Variants in CAP2 observed in about 807,000 individuals in gnomAD.
The protein encoded by CAP2 is cyclase associated actin cytoskeleton regulatory protein 2.
CAP2 carries 24 observed loss-of-function variants against 57.7 expected under a neutral mutation model. That is an observed-to-expected ratio of 0.42 (90% CI 0.30 to 0.58). CAP2 has a LOEUF of 0.58. Ranked by LOEUF, CAP2 falls within the 20% of genes least tolerant of loss-of-function variation. The pLI is 0.22. For missense variants in CAP2, 501 were observed against 590.3 expected (o/e 0.85, Z 1.57); for synonymous variants, 194 against 207.2 (o/e 0.94, Z 0.55).
chr6:17,473,784 A>G (rs1211697401), intron 4 of CAP2, among the ~76,000 whole-genome samples: 1 of 152,162 alleles, frequency 6.6e-6, no homozygotes, highest in Admixed American at 6.5e-5. Flanking sequence ...TGGGGGGTGG[A>G]TCACATGACA....
intron 7 of CAP2, among the ~76,000 whole-genome samples, chr6:17,521,419 G>C (rs1237014221): frequency 6.8e-6 from 1 of 147,390 alleles, no homozygotes; most frequent in Non-Finnish European, 1.5e-5. Context: ...CTCCGTCTCA[G>C]AAAAAAAAAA....
chr6:17,422,346 C>CTTTTTT (rs11320178), intron 2 of CAP2, among the ~76,000 whole-genome samples: 68 of 90,240 alleles, frequency 7.5e-4, no homozygotes, highest in Non-Finnish European at 9.9e-4. Flanking sequence ...ACCAACTATG[C>CTTTTTT]TTTTTTTTTT....
chr6:17,430,109 C>T (rs1759688052), intron 3 of CAP2, among the ~76,000 whole-genome samples: 1 of 152,162 alleles, frequency 6.6e-6, no homozygotes, highest in Admixed American at 6.5e-5. Flanking sequence ...GGCAGCCAAG[C>T]TATGATTTAA....
Position 17,513,273 on chromosome 6 carries a change from C to T in CAP2, c.531-576C>T, listed in dbSNP as rs1212623419. On this transcript the variant is annotated intron_variant, in intron 6 of 12. Transcript: ENST00000229922. This position sits in a 1 kb window ranked among gnomAD's most constrained non-coding sequence, Gnocchi z 4.3. ...AATTAAGGGAATTTAAGTAAATGTC[C>T]CTTTAGAAGTAAGGGGTGTTACCTG... Among the ~76,000 whole-genome samples the T allele has an allele frequency of 6.6e-6, 1 of 151,866 alleles. No homozygotes were observed. Among genetic ancestry groups the T allele is most frequent in the Non-Finnish European group, 1.5e-5 (1 of 68,008 alleles).
At chr6:17,400,092 G>T (rs1758771160) in intron 1 of CAP2, among the ~76,000 whole-genome samples, 1 of 152,094 alleles carries the variant, frequency 6.6e-6, no homozygotes, top group African/African-American at 2.4e-5. Flanking sequence ...TGGGCATGGT[G>T]GCACGTGCCT....
intron 7 of CAP2, among the ~76,000 whole-genome samples, chr6:17,528,907 C>T (rs1310452550): frequency 6.6e-6 from 1 of 152,110 alleles, no homozygotes; most frequent in Non-Finnish European, 1.5e-5. Flanking sequence ...TTTTTATTGA[C>T]AGAAGTCTCA....
chr6:17,506,143 C>A (rs1407813379), intron 4 of CAP2, among the ~76,000 whole-genome samples: 1 of 152,108 alleles, frequency 6.6e-6, no homozygotes, highest in Non-Finnish European at 1.5e-5. Context: ...AAGCGATCTT[C>A]CCGCCTAAGC....
At chr6:17,544,953 C>T (rs1179403420) in intron 11 of CAP2, among the ~76,000 whole-genome samples, 1 of 152,174 alleles carries the variant, frequency 6.6e-6, no homozygotes, top group African/African-American at 2.4e-5. Context: ...TGCTCATCTT[C>T]AGAAAAAGCC....
At chr6:17,468,143 A>G (rs1342635986) in intron 4 of CAP2, among the ~76,000 whole-genome samples, 2 of 151,834 alleles carry the variant, frequency 1.3e-5, no homozygotes, top group Admixed American at 1.3e-4. Flanking sequence ...TTTTTTTTTA[A>G]TAAGACCACA....
At chr6:17,496,031 G>GGGA (rs879870953) in intron 4 of CAP2, among the ~76,000 whole-genome samples, 1 of 134,356 alleles carries the variant, frequency 7.4e-6, no homozygotes, top group Non-Finnish European at 1.6e-5. Flanking sequence ...TGTGGGTGGG[G>GGGA]GGGGGGGGTA....
chr6:17,408,190 G>C (rs1228002178), intron 1 of CAP2, among the ~76,000 whole-genome samples: 1 of 149,362 alleles, frequency 6.7e-6, no homozygotes, highest in African/African-American at 2.4e-5. Context: ...GGCTGTACAA[G>C]AAACATCTGT....
intron 1 of CAP2, among the ~76,000 whole-genome samples, chr6:17,418,463 G>A (rs1011795950): frequency 2.0e-5 from 3 of 152,118 alleles, no homozygotes; most frequent in Non-Finnish European, 2.9e-5. Context: ...CAGTTTGTGG[G>A]CTGACTCCTG....
chr6:17,402,786 C>G (rs9297034), intron 1 of CAP2, among the ~76,000 whole-genome samples: 62,660 of 152,028 alleles, frequency 0.41, 16,094 homozygotes, highest in African/African-American at 0.74. Flanking sequence ...TTTTCTGCAA[C>G]TTAACTTATA....
chr6:17,465,266 CA>C (rs1363519258), intron 4 of CAP2, among the ~76,000 whole-genome samples: 1 of 152,178 alleles, frequency 6.6e-6, no homozygotes, highest in Non-Finnish European at 1.5e-5. Flanking sequence ...AATCCTAACT[CA>C]TTGTAGTCTC....
At chr6:17,410,440 T>A (rs548843283) in intron 1 of CAP2, among the ~76,000 whole-genome samples, 1 of 152,298 alleles carries the variant, frequency 6.6e-6, no homozygotes, top group East Asian at 1.9e-4. Flanking sequence ...AATGTTTTAT[T>A]CTCTCACCTG....
chr6:17,523,282 G>A (rs1477473987), intron 7 of CAP2, among the ~76,000 whole-genome samples: 1 of 152,146 alleles, frequency 6.6e-6, no homozygotes, highest in African/African-American at 2.4e-5. Flanking sequence ...TGGAAGTCTG[G>A]GAGAGAATCG....
At chr6:17,498,404 A>G (rs1048494000) in intron 4 of CAP2, among the ~76,000 whole-genome samples, 13 of 152,332 alleles carry the variant, frequency 8.5e-5, no homozygotes, top group African/African-American at 2.6e-4. Context: ...ATTTTACCCT[A>G]TGATTTGCTG....
chr6:17,433,639 G>A (rs1759799531), intron 3 of CAP2, among the ~76,000 whole-genome samples: 1 of 152,204 alleles, frequency 6.6e-6, no homozygotes, highest in Non-Finnish European at 1.5e-5. Context: ...ACTGGCGTGG[G>A]CTCGGCCTGA....
chr6:17,443,201 A>T (rs555545376), intron 3 of CAP2, among the ~76,000 whole-genome samples: 1 of 152,130 alleles, frequency 6.6e-6, no homozygotes. Flanking sequence ...GCAGTGGGCC[A>T]CTATCACGGT....
Sources: gnomAD v4.1 joint callset for allele counts (sites outside exome capture counted in the v4.1 genomes callset) on GRCh38, gnomAD v4.1.1 for gene constraint, Gnocchi (gnomAD v3.1) non-coding constraint, MANE v1.5 for transcripts, NCBI Gene and HGNC (gene_info 2026-07-23, HGNC 2026-07-21) for gene names.